The following STK4 variants were observed in gnomAD, a reference collection of about 807,000 sequenced individuals.
STK4 encodes the protein serine/threonine kinase 4.
In STK4, 30 loss-of-function variants were observed where a neutral mutation model predicts 64.9. The observed-to-expected ratio is 0.46, with a 90% CI of 0.35 to 0.63. The LOEUF is 0.63. Ranked by LOEUF, STK4 falls within the 20% of genes least tolerant of loss-of-function variation. STK4 has a pLI of 0.01. For synonymous variants in STK4, 177 were observed against 199.0 expected, an observed-to-expected ratio of 0.89 and a Z score of 0.93; for missense variants, 466 against 598.5, an observed-to-expected ratio of 0.78 and a Z score of 2.31.
intron 9 of STK4, chr20:45,007,873 C>A: frequency 1.2e-5 from 4 of 324,874 alleles, no homozygotes; most frequent in South Asian, 2.5e-5. Flanking sequence ...AGTTTTTCGA[C>A]CCATGGTCCC....
In STK4 at chr20:45,078,145, C is replaced by T. The variant is rs993110113; in HGVS notation, c.*2969C>T. ...GAGGTCCTCGCTTGTTCTCTGCCTT[C>T]AAGAAACAATGACCTGATTCTGTCT... On this transcript the variant is annotated 3_prime_UTR_variant, in exon 11 of 11. Coordinates refer to ENST00000372806, the MANE Select transcript of STK4 (RefSeq NM_006282.5). 1 of 150,868 alleles carries T rather than the reference C, an allele frequency of 6.6e-6. No individual in the cohort carries two copies. The highest frequency in any genetic ancestry group is 2.4e-5 in the African/African-American group (1 of 41,000). The allele number at this position is 150,868 out of a possible 1,614,324, so 9.3% of individuals were successfully genotyped here.
Position 45,057,409 on chromosome 20 carries a change from T to C in STK4, c.1306-17609T>C, listed in dbSNP as rs12625976. Among the ~76,000 whole-genome samples, 155 of 152,336 alleles carry C rather than the reference T, an allele frequency of 1.0e-3. 3 individuals carry two copies. The East Asian group carries it at 0.023, about 23-fold the overall frequency. Reference sequence around the variant, plus strand: ...CAAGTCAAGAGCAGTAATAACTATATGCTTGTGTTATTAACAATCAGACCC... The same window carrying C: ...CAAGTCAAGAGCAGTAATAACTATACGCTTGTGTTATTAACAATCAGACCC... On this transcript the variant is annotated intron_variant, in intron 10 of 10. Transcript: ENST00000372806.
intron 10 of STK4, among the ~76,000 whole-genome samples, chr20:45,073,693 C>A (rs1350460829): frequency 6.6e-6 from 1 of 152,220 alleles, no homozygotes; most frequent in African/African-American, 2.4e-5. Flanking sequence ...ATTCCCACCC[C>A]TGACAGCCAA....
rs1476270432 is a variant in STK4, at chr20:45,079,172, C to T, written c.*3996C>T. ...TCAAGGATGCAGTGAGCCATGGTCT[C>T]ACCACTGCACTCTAGCCTGGGTGAC... On this transcript the variant is annotated 3_prime_UTR_variant, in exon 11 of 11. Coordinates refer to ENST00000372806, the MANE Select transcript of STK4 (RefSeq NM_006282.5). The T allele has an allele frequency of 6.6e-6, 1 of 151,964 alleles. No individual in the cohort carries two copies. Among genetic ancestry groups the T allele is most frequent in the Non-Finnish European group, 1.5e-5 (1 of 68,018 alleles). 9.4% of individuals were successfully genotyped at this position (151,964 alleles called of 1,614,324 possible). A position where few individuals can be genotyped will look rare whatever the true frequency, so the allele number is the denominator to read the frequency against.
chr20:45,073,546 G>A (rs115595551), intron 10 of STK4, among the ~76,000 whole-genome samples: 1,899 of 152,224 alleles, frequency 0.012, 40 homozygotes, highest in African/African-American at 0.042. Flanking sequence ...GGAAAGGGCC[G>A]AGGATCATGA....
intron 10 of STK4, among the ~76,000 whole-genome samples, chr20:45,034,614 C>T (rs1351549333): frequency 6.6e-6 from 1 of 151,540 alleles, no homozygotes; most frequent in Non-Finnish European, 1.5e-5. Context: ...GTGATATTGG[C>T]ATAAGAATAG....
At position 45,005,618 on chromosome 20, in the gene STK4, A is replaced by T. The variant is rs957600378; in HGVS notation, c.1147+4265A>T. ...AACCGAGATCGCGCCACTGCACTCC[A>T]GCCTGGGCAACAGAGCGAGACTCTG... On this transcript the variant is annotated intron_variant, in intron 9 of 10. Coordinates refer to ENST00000372806, the MANE Select transcript of STK4 (RefSeq NM_006282.5). 2.7e-5 allele frequency among the ~76,000 whole-genome samples: 4 copies of T among 147,196 alleles called. No individual in the cohort carries two copies. The Admixed American group carries it at 2.7e-4, about 10-fold the overall frequency.
intron 9 of STK4, among the ~76,000 whole-genome samples, chr20:45,011,714 T>C (rs1239982516): frequency 9.8e-6 from 1 of 101,728 alleles, no homozygotes; most frequent in Admixed American, 8.9e-5. Flanking sequence ...CATACATATA[T>C]ATATATATAT....
chr20:45,006,932 C>T (rs1306298351), intron 9 of STK4, among the ~76,000 whole-genome samples: 1 of 152,122 alleles, frequency 6.6e-6, no homozygotes, highest in African/African-American at 2.4e-5. Context: ...AAGCTAAAGT[C>T]CTTGTGATTT....
chr20:45,078,666 T>A lies in STK4; in HGVS notation c.*3490T>A, dbSNP rs1232774926. On this transcript the variant is annotated 3_prime_UTR_variant, in exon 11 of 11. Transcript: ENST00000372806. ...GAGGAAGGGTAGGAGGATGCATGGATGAGTGGATGAGTGGATCGATGGATG... is the reference window on the plus strand; with the variant it reads ...GAGGAAGGGTAGGAGGATGCATGGAAGAGTGGATGAGTGGATCGATGGATG... 1 of 151,368 alleles carries A rather than the reference T, an allele frequency of 6.6e-6. No homozygotes were observed. Among genetic ancestry groups the A allele is most frequent in the East Asian group, 1.9e-4 (1 of 5,146 alleles). The allele number at this position is 151,368 out of a possible 1,614,324, so 9.4% of individuals were successfully genotyped here. A position where few individuals can be genotyped will look rare whatever the true frequency, so the allele number is the denominator to read the frequency against.
In STK4 at chr20:45,053,756, C is replaced by T. The variant is rs542134414; in HGVS notation, c.1306-21262C>T. Among the ~76,000 whole-genome samples, 30 of 152,306 alleles carry T rather than the reference C, an allele frequency of 2.0e-4. No individual in the cohort carries two copies. The South Asian group carries it at 3.3e-3, about 17-fold the overall frequency. ...AAAAGGGTCTTAAAGGACATATTTTCCAGCTCTTGCTATATTTCCAACAAG... is the reference window on the plus strand; with the variant it reads ...AAAAGGGTCTTAAAGGACATATTTTTCAGCTCTTGCTATATTTCCAACAAG... On this transcript the variant is annotated intron_variant, in intron 10 of 10. Transcript: ENST00000372806.
At chr20:44,992,212 A>G (rs1284616819) in intron 5 of STK4, among the ~76,000 whole-genome samples, 1 of 151,470 alleles carries the variant, frequency 6.6e-6, no homozygotes, top group African/African-American at 2.4e-5. Context: ...TCTCCTTAAC[A>G]TTATAGAATG....
chr20:45,042,591 T>G (rs760585095), intron 10 of STK4, among the ~76,000 whole-genome samples: 17 of 152,218 alleles, frequency 1.1e-4, no homozygotes, highest in South Asian at 4.1e-4. Context: ...ATCTTTTGTC[T>G]TTGATAACAC....
chr20:45,055,035 G>T (rs528854753), intron 10 of STK4, among the ~76,000 whole-genome samples: 1 of 152,226 alleles, frequency 6.6e-6, no homozygotes, highest in Non-Finnish European at 1.5e-5. Flanking sequence ...AAGAAGGGGT[G>T]GGGATGGGCA....
In STK4 at chr20:44,987,191, T is replaced by C. The variant is rs769701004; in HGVS notation, c.420T>C (p.Leu140=). ...LQSTLKGLEY[L]HFMRKIHRDI... ...CAACTCTTAAGGGACTTGAATACCT[T>C]CATTTTATGAGAAAAATACACCGAG... The change falls in exon 5 of 11, where the codon CTT becomes CTC. Residue 140 remains leucine (L), a synonymous_variant. Coordinates refer to ENST00000372806, the MANE Select transcript of STK4 (RefSeq NM_006282.5). 1.5e-5 allele frequency: 24 copies of C among 1,612,434 alleles called. No individual in the cohort carries two copies. The highest frequency in any genetic ancestry group is 4.0e-5 in the African/African-American group (3 of 74,810).
intron 10 of STK4, among the ~76,000 whole-genome samples, chr20:45,048,265 T>A (rs1482146845): frequency 1.3e-5 from 2 of 152,314 alleles, no homozygotes; most frequent in East Asian, 3.9e-4. Context: ...TATTTACTTC[T>A]GAGTTATTGA....
intron 7 of STK4, 39 bp from the exon 8 acceptor site, chr20:45,000,353 T>C (rs1324348270): frequency 1.1e-5 from 18 of 1,599,012 alleles, no homozygotes; most frequent in Non-Finnish European, 1.5e-5. Context: ...ACTGTCACCA[T>C]ATAAACTGTC....
In STK4 at chr20:45,077,237, T is replaced by C. The variant is rs1980584577; in HGVS notation, c.*2061T>C. The C allele has an allele frequency of 6.6e-6, 1 of 152,182 alleles. No homozygotes were observed. Among genetic ancestry groups the C allele is most frequent in the African/African-American group, 2.4e-5 (1 of 41,432 alleles). The allele number at this position is 152,182 out of a possible 1,614,324, so 9.4% of individuals were successfully genotyped here. On this transcript the variant is annotated 3_prime_UTR_variant, in exon 11 of 11. Coordinates refer to ENST00000372806, the MANE Select transcript of STK4 (RefSeq NM_006282.5). ...TTTAAAATGAAGTGACCACCTTTTC[T>C]TGCATAGACTAAATAACTCGAACTG...
chr20:45,024,828 T>G (rs1416137569), intron 9 of STK4, 145 bp from the exon 10 acceptor site: 7 of 819,552 alleles, frequency 8.5e-6, no homozygotes, highest in South Asian at 1.0e-4. Flanking sequence ...TTTTGTAGTT[T>G]CACTAGATTC....
Sources: allele counts gnomAD v4.1 joint callset (sites outside exome capture counted in the v4.1 genomes callset), GRCh38; gene constraint gnomAD v4.1.1; transcripts MANE v1.5; gene names NCBI Gene and HGNC (gene_info 2026-07-23, HGNC 2026-07-21).